The following MAS1 variants were observed in gnomAD, a reference collection of about 807,000 sequenced individuals.
MAS1 encodes MAS1 proto-oncogene, G protein-coupled receptor.
For missense variants in MAS1, 387 were observed against 409.7 expected (o/e 0.94, Z 0.48); for synonymous variants, 163 against 164.2 (o/e 0.99, Z 0.05).
chr6:159,897,859 T>A (rs944329603), intron 1 of MAS1, among the ~76,000 whole-genome samples: 1 of 152,176 alleles, frequency 6.6e-6, no homozygotes, highest in Non-Finnish European at 1.5e-5. Context: ...AGAGACCACA[T>A]AGTGGCAAAG....
chr6:159,898,092 ATGTTG>A (rs1471815548), intron 1 of MAS1, among the ~76,000 whole-genome samples: 1 of 151,774 alleles, frequency 6.6e-6, no homozygotes, highest in Non-Finnish European at 1.5e-5. Flanking sequence ...GCGTTTTACC[ATGTTG>A]GCCAGGCTGG....
chr6:159,913,059 A>G lies in MAS1; in HGVS notation c.*5126A>G, dbSNP rs1782983151. 6.6e-6 allele frequency: 1 copy of G among 152,220 alleles called. No individual in the cohort carries two copies. The highest frequency in any genetic ancestry group is 2.4e-5 in the African/African-American group (1 of 41,454). 9.4% of individuals were successfully genotyped at this position (152,220 alleles called of 1,614,324 possible). The stretch of plus-strand genomic sequence containing the variant: ...TTTTTGATGTTCAGCAAAAGTAACC[A>G]TTAAGTAAAGACAGAAAAATTGGCT... On this transcript the variant is annotated 3_prime_UTR_variant, in exon 3 of 3. Coordinates refer to ENST00000674077, the MANE Select transcript of MAS1 (RefSeq NM_002377.4).
At chr6:159,897,352 C>T (rs1390191680) in intron 1 of MAS1, among the ~76,000 whole-genome samples, 1 of 152,128 alleles carries the variant, frequency 6.6e-6, no homozygotes, top group Non-Finnish European at 1.5e-5. Flanking sequence ...CTGAGTGGCA[C>T]CAGCTGGTGC....
chr6:159,892,904 A>C (rs904951334), intron 1 of MAS1, among the ~76,000 whole-genome samples: 5 of 152,178 alleles, frequency 3.3e-5, no homozygotes, highest in African/African-American at 1.2e-4. Context: ...AACTACATTA[A>C]AATGCCAGCA....
rs1783012383 is a variant in MAS1, at chr6:159,915,493, A to G, written c.*7560A>G. On this transcript the variant is annotated 3_prime_UTR_variant, in exon 3 of 3. Coordinates refer to ENST00000674077, the MANE Select transcript of MAS1 (RefSeq NM_002377.4). The stretch of plus-strand genomic sequence containing the variant: ...TGGTTGAGGTTATTGTTCCGCAGGC[A>G]CTCCTGTGGGGAAGGAGTGATTTGC... 1 of 151,946 alleles carries G rather than the reference A, an allele frequency of 6.6e-6. No individual in the cohort carries two copies. The highest frequency in any genetic ancestry group is 1.5e-5 in the Non-Finnish European group (1 of 68,010). 9.4% of individuals were successfully genotyped at this position (151,946 alleles called of 1,614,324 possible).
At chr6:159,901,241 A>G (rs545769709) in intron 2 of MAS1, among the ~76,000 whole-genome samples, 1 of 152,232 alleles carries the variant, frequency 6.6e-6, no homozygotes, top group African/African-American at 2.4e-5. Context: ...GAATAGAGTC[A>G]CATTGAGGAT....
At position 159,910,562 on chromosome 6, in the gene MAS1, G is replaced by A. The variant is rs367700541; in HGVS notation, c.*2629G>A. On this transcript the variant is annotated 3_prime_UTR_variant, in exon 3 of 3. Transcript: ENST00000674077. ...ACGCTAGACTATAAGCTCCTTGAGG[G>A]CAGGGACGTAGCTTTGCTCACTGCT... The A allele has an allele frequency of 3.9e-5, 6 of 152,254 alleles. No individual in the cohort carries two copies. Among genetic ancestry groups the A allele is most frequent in the African/African-American group, 1.4e-4 (6 of 41,434 alleles). 9.4% of individuals were successfully genotyped at this position (152,254 alleles called of 1,614,324 possible).
At chr6:159,905,482 G>T (rs775477815) in intron 2 of MAS1, among the ~76,000 whole-genome samples, 1 of 152,168 alleles carries the variant, frequency 6.6e-6, no homozygotes, top group African/African-American at 2.4e-5. Context: ...GACCACGGAG[G>T]CAGTGTCCTC....
At position 159,912,711 on chromosome 6, in the gene MAS1, C is replaced by T. The variant is rs1246396778; in HGVS notation, c.*4778C>T. 6.6e-6 allele frequency: 1 copy of T among 152,234 alleles called. No homozygotes were observed. Among genetic ancestry groups the T allele is most frequent in the Non-Finnish European group, 1.5e-5 (1 of 68,036 alleles). The allele number at this position is 152,234 out of a possible 1,614,324, so 9.4% of individuals were successfully genotyped here. A position where few individuals can be genotyped will look rare whatever the true frequency, so the allele number is the denominator to read the frequency against. Reference sequence around the variant, plus strand: ...ACCAGAGTCTCTCTCACTGCCTCATCTACAGTTTTGTGGATCAGTCTTGTG... The same window carrying T: ...ACCAGAGTCTCTCTCACTGCCTCATTTACAGTTTTGTGGATCAGTCTTGTG... On this transcript the variant is annotated 3_prime_UTR_variant, in exon 3 of 3. Transcript: ENST00000674077.
intron 1 of MAS1, among the ~76,000 whole-genome samples, chr6:159,895,652 T>G (rs1254345539): frequency 6.6e-6 from 1 of 152,150 alleles, no homozygotes; most frequent in African/African-American, 2.4e-5. Context: ...ATCAAATAAA[T>G]GCAAATTAAA....
In MAS1 at chr6:159,911,327, C is replaced by CTT. The variant is rs1782961754; in HGVS notation, c.*3394_*3395insTT. 1 of 141,464 alleles carries CTT rather than the reference C, an allele frequency of 7.1e-6. No individual in the cohort carries two copies. The highest frequency in any genetic ancestry group is 1.5e-5 in the Non-Finnish European group (1 of 65,824). The allele number at this position is 141,464 out of a possible 1,614,324, so 8.8% of individuals were successfully genotyped here. ...TTTCTTTTTTCTTTTCTTTTCTTTT[C>CTT]CTTTTTTTTTTTTTTTTTTTTTTTT... On this transcript the variant is annotated 3_prime_UTR_variant, in exon 3 of 3. Transcript: ENST00000674077.
intron 2 of MAS1, among the ~76,000 whole-genome samples, chr6:159,903,649 A>G (rs1421108817): frequency 1.3e-5 from 2 of 151,926 alleles, no homozygotes; most frequent in Admixed American, 6.6e-5. Flanking sequence ...CACTCCCACA[A>G]CCACATCTAC....
intron 2 of MAS1, among the ~76,000 whole-genome samples, chr6:159,900,823 A>G (rs1317108101): frequency 6.6e-6 from 1 of 152,202 alleles, no homozygotes; most frequent in African/African-American, 2.4e-5. Context: ...ATAAGTATTT[A>G]TTAAATGCCT....
At chr6:159,898,712 C>CA (rs1782790505) in intron 1 of MAS1, among the ~76,000 whole-genome samples, 1 of 106,082 alleles carries the variant, frequency 9.4e-6, no homozygotes, top group African/African-American at 3.6e-5. Flanking sequence ...ATCCTCCTCC[C>CA]TCTTCCTCCT....
At position 159,907,376 on chromosome 6, in the gene MAS1, C is replaced by A; in HGVS notation, c.421C>A (p.Arg141=). The A allele has an allele frequency of 1.2e-6, 2 of 1,614,148 alleles. No individual in the cohort carries two copies. Among genetic ancestry groups the A allele is most frequent in the Admixed American group, 3.3e-5 (2 of 60,032 alleles). ...GTCAGTCCTTTACCCCATCTGGTACCGATGCCATCGCCCCAAGTACCAGTC... is the reference window on the plus strand; with the variant it reads ...GTCAGTCCTTTACCCCATCTGGTACAGATGCCATCGCCCCAAGTACCAGTC... ...CLSVLYPIWY[R]CHRPKYQSAL... Residue 141 remains arginine (R), a synonymous_variant, in exon 3 of 3, where the codon CGA becomes AGA. Transcript: ENST00000674077.
At chr6:159,891,386 G>T (rs1782697690) in intron 1 of MAS1, among the ~76,000 whole-genome samples, 2 of 152,166 alleles carry the variant, frequency 1.3e-5, no homozygotes, top group Non-Finnish European at 2.9e-5. Flanking sequence ...CAACTTCAGG[G>T]TTGAAACTTC....
chr6:159,898,616 T>TCCTCCTCCTCCCTCTTCCTCCTC lies in MAS1; in HGVS notation c.-243-553_-243-552insCTCCTCCCTCCTCCTCCCTCTTC, dbSNP rs1554228862. 8.6e-5 allele frequency among the ~76,000 whole-genome samples: 5 copies of TCCTCCTCCTCCCTCTTCCTCCTC among 57,812 alleles called. 1 individual carries two copies. The highest frequency in any genetic ancestry group is 1.6e-4 in the Non-Finnish European group (5 of 30,620). 37.9% of individuals were successfully genotyped at this position (57,812 alleles called of 152,430 possible). On this transcript the variant is annotated intron_variant, in intron 1 of 2. Coordinates refer to ENST00000674077, the MANE Select transcript of MAS1 (RefSeq NM_002377.4). ...GTTCCTCCTTCCTCTTCCTCCTCCT[T>TCCTCCTCCTCCCTCTTCCTCCTC]CCTCCTCCTCCCTCTTCTTCCTCCT...
At chr6:159,904,674 T>C (rs946836820) in intron 2 of MAS1, among the ~76,000 whole-genome samples, 1 of 152,106 alleles carries the variant, frequency 6.6e-6, no homozygotes, top group African/African-American at 2.4e-5. Context: ...CACGCCTCAG[T>C]CCCCCAAGTT....
At chr6:159,892,908 G>C (rs981563337) in intron 1 of MAS1, among the ~76,000 whole-genome samples, 2 of 152,138 alleles carry the variant, frequency 1.3e-5, no homozygotes, top group Admixed American at 1.3e-4. Flanking sequence ...ACATTAAAAT[G>C]CCAGCATGTG....
Sources: allele counts gnomAD v4.1 joint callset (sites outside exome capture counted in the v4.1 genomes callset), GRCh38; gene constraint gnomAD v4.1.1; transcripts MANE v1.5; gene names NCBI Gene and HGNC (gene_info 2026-07-23, HGNC 2026-07-21).